PUS10: variants seen among roughly 807,000 people sequenced by gnomAD.
The protein encoded by PUS10 is pseudouridine synthase 10.
A neutral mutation model predicts 75.0 loss-of-function variants in PUS10; 59 were observed. The observed-to-expected ratio is 0.79, with a 90% CI of 0.64 to 0.98. The LOEUF (loss-of-function observed/expected upper bound fraction) is 0.98, where lower values mean the gene tolerates loss of function less well. PUS10 is among the 50% of genes least tolerant of loss of function. PUS10 has a pLI of 0.00. For synonymous variants in PUS10, 219 were observed against 211.6 expected, an observed-to-expected ratio of 1.03 and a Z score of -0.30; for missense variants, 650 against 614.4, an observed-to-expected ratio of 1.06 and a Z score of -0.61.
Position 60,941,556 on chromosome 2 carries a change from G to C in PUS10, c.*839C>G, listed in dbSNP as rs1038728827. 6.6e-6 allele frequency: 1 copy of C among 152,156 alleles called. No individual in the cohort carries two copies. Among genetic ancestry groups the C allele is most frequent in the Non-Finnish European group, 1.5e-5 (1 of 68,002 alleles). The allele number at this position is 152,156 out of a possible 1,614,324, so 9.4% of individuals were successfully genotyped here. On this transcript the variant is annotated 3_prime_UTR_variant, in exon 18 of 18. Coordinates refer to ENST00000316752, the MANE Select transcript of PUS10 (RefSeq NM_144709.4). Reference sequence around the variant, plus strand: ...TACTTTAATAAGGTATTATTAAAATGTTTATAATTGGATAATATATTGAAG... The same window carrying C: ...TACTTTAATAAGGTATTATTAAAATCTTTATAATTGGATAATATATTGAAG...
chr2:61,002,632 C>T (rs1034424055), intron 4 of PUS10, among the ~76,000 whole-genome samples: 14 of 152,172 alleles, frequency 9.2e-5, no homozygotes, highest in Non-Finnish European at 1.9e-4. Flanking sequence ...AATCTCAGTG[C>T]AGGTACATAA....
intron 11 of PUS10, 143 bp from the exon 12 acceptor site, chr2:60,955,217 T>C: frequency 4.4e-6 from 2 of 454,934 alleles, no homozygotes; most frequent in East Asian, 3.4e-5. Flanking sequence ...CCACCTCTAA[T>C]GTCAATCTCT....
intron 16 of PUS10, 110 bp downstream of exon 16, chr2:60,947,933 T>A: frequency 9.5e-7 from 1 of 1,049,702 alleles, no homozygotes; most frequent in Non-Finnish European, 1.4e-6. Flanking sequence ...TTCAGTATAA[T>A]CCTTTCCCGA....
chr2:61,017,715 T>C, intron 1 of PUS10: 1 of 1,495,688 alleles, frequency 6.7e-7, no homozygotes, highest in Non-Finnish European at 9.1e-7. Context: ...TACGCGGGCC[T>C]GGACAGTCAG....
chr2:60,990,920 AT>A (rs940654048), intron 4 of PUS10, among the ~76,000 whole-genome samples: 8 of 152,040 alleles, frequency 5.3e-5, no homozygotes, highest in Non-Finnish European at 1.2e-4. Flanking sequence ...AACTTTCTTC[AT>A]TTTTTGTTGA....
At chr2:60,948,606 G>C (rs975011954) in intron 15 of PUS10, among the ~76,000 whole-genome samples, 1 of 152,018 alleles carries the variant, frequency 6.6e-6, no homozygotes, top group African/African-American at 2.4e-5. Context: ...GAAGGAAAAG[G>C]GTTATACAAA....
At chr2:60,999,997 T>C (rs752435457) in intron 4 of PUS10, among the ~76,000 whole-genome samples, 3 of 152,138 alleles carry the variant, frequency 2.0e-5, no homozygotes, top group Non-Finnish European at 4.4e-5. Context: ...CCATTTTATA[T>C]GAGAAACTTA....
At chr2:60,979,540 C>T (rs1179241446) in intron 4 of PUS10, among the ~76,000 whole-genome samples, 1 of 152,194 alleles carries the variant, frequency 6.6e-6, no homozygotes, top group African/African-American at 2.4e-5. Context: ...TCCTCACCCC[C>T]GCCACCTCCC....
At chr2:60,972,079 G>A (rs1207455013) in intron 4 of PUS10, among the ~76,000 whole-genome samples, 1 of 148,270 alleles carries the variant, frequency 6.7e-6, no homozygotes, top group Non-Finnish European at 1.5e-5. Flanking sequence ...ATGTTGGCCA[G>A]GCTGGTCTCG....
chr2:60,957,855 G>A lies in PUS10; in HGVS notation c.1000+2537C>T, dbSNP rs548330575. On this transcript the variant is annotated intron_variant, in intron 11 of 17. Transcript: ENST00000316752. ...AGGAGTAGACTGAGGCAGGCTTCCA[G>A]CACAGCATGACTCAGTAGGTTTGGT... 9.8e-5 allele frequency among the ~76,000 whole-genome samples: 15 copies of A among 152,368 alleles called. No individual in the cohort carries two copies. The South Asian group carries it at 3.1e-3, about 32-fold the overall frequency.
At chr2:60,962,312 C>T (rs888532940) in intron 9 of PUS10, among the ~76,000 whole-genome samples, 26 of 152,222 alleles carry the variant, frequency 1.7e-4, no homozygotes, top group African/African-American at 6.3e-4. Context: ...TGGCTCACGC[C>T]TGTAATCCCA....
chr2:61,013,432 G>C (rs1679760280), intron 1 of PUS10, among the ~76,000 whole-genome samples: 1 of 152,276 alleles, frequency 6.6e-6, no homozygotes, highest in South Asian at 2.1e-4. Context: ...CCACTGAGTT[G>C]ATTACCTTTT....
rs1432584420 is a variant in PUS10, at chr2:60,979,817, C to G, written c.469-8260G>C. Among the ~76,000 whole-genome samples, 7 of 152,332 alleles carry G rather than the reference C, an allele frequency of 4.6e-5. No individual in the cohort carries two copies. In the South Asian group the frequency reaches 1.5e-3, roughly 32 times the overall value. The stretch of plus-strand genomic sequence containing the variant: ...AGATAGCATTGAAAAGGTTGAAGAT[C>G]TTCTTTTTGGACAAGTCAAGAGGGG... On this transcript the variant is annotated intron_variant, in intron 4 of 17. Coordinates refer to ENST00000316752, the MANE Select transcript of PUS10 (RefSeq NM_144709.4).
chr2:61,014,986 C>G (rs534687450), intron 1 of PUS10, among the ~76,000 whole-genome samples: 1 of 152,118 alleles, frequency 6.6e-6, no homozygotes, highest in South Asian at 2.1e-4. Flanking sequence ...GCCAGGACTA[C>G]TAAAAACAGA....
intron 15 of PUS10, among the ~76,000 whole-genome samples, chr2:60,949,594 T>A (rs1047818892): frequency 2.6e-5 from 4 of 152,098 alleles, no homozygotes; most frequent in Non-Finnish European, 5.9e-5. Context: ...AAGATGCTCC[T>A]GAAGAGGGGA....
intron 5 of PUS10, among the ~76,000 whole-genome samples, 177 bp downstream of exon 5, chr2:60,971,346 C>G (rs1437789850): frequency 6.6e-6 from 1 of 151,976 alleles, no homozygotes; most frequent in Non-Finnish European, 1.5e-5. Flanking sequence ...TGCAAATAAA[C>G]TAATGAAACA....
At chr2:61,006,522 T>G in intron 4 of PUS10, 35 bp downstream of exon 4, 2 of 1,422,764 alleles carry the variant, frequency 1.4e-6, no homozygotes, top group Non-Finnish European at 2.0e-6. Context: ...TAGCATGCAC[T>G]TCACATACAG....
At chr2:61,017,551 A>G in intron 1 of PUS10, 1 of 546,056 alleles carries the variant, frequency 1.8e-6, no homozygotes, top group Non-Finnish European at 3.3e-6. Flanking sequence ...TGGGGCAAAT[A>G]CAAAGAGCGT....
At chr2:61,016,786 A>G (rs538449186) in intron 1 of PUS10, among the ~76,000 whole-genome samples, 1 of 152,254 alleles carries the variant, frequency 6.6e-6, no homozygotes, top group East Asian at 1.9e-4. Flanking sequence ...AAACTAGCGA[A>G]ATGACCAGAC....
Sources: gnomAD v4.1 joint callset for allele counts (sites outside exome capture counted in the v4.1 genomes callset) on GRCh38, gnomAD v4.1.1 for gene constraint, MANE v1.5 for transcripts, NCBI Gene and HGNC (gene_info 2026-07-23, HGNC 2026-07-21) for gene names.